NUDT13: variants seen among roughly 807,000 people sequenced by gnomAD.
The protein encoded by NUDT13 is nudix hydrolase 13.
Under a neutral mutation model 41.7 loss-of-function variants are expected in NUDT13, and 40 were observed. The ratio of observed to expected loss-of-function variants is 0.96; its 90% confidence interval spans 0.75 to 1.25. NUDT13 has a LOEUF of 1.25. Among genes scored for constraint, NUDT13 ranks in the 50% most tolerant of loss-of-function variants. NUDT13 has a pLI of 0.00. For missense variants in NUDT13, 390 were observed against 416.1 expected (o/e 0.94, Z 0.55); for synonymous variants, 145 against 155.5 (o/e 0.93, Z 0.50).
At position 73,125,526 on chromosome 10, in the gene NUDT13, A is replaced by C. The variant is rs1415279838; in HGVS notation, c.703+17A>C. ...GTGATATAGGTGAGGAGTTTAGGGGATATACAGGTGACACTGGAAGATATA... is the reference window on the plus strand; with the variant it reads ...GTGATATAGGTGAGGAGTTTAGGGGCTATACAGGTGACACTGGAAGATATA... On this transcript the variant is annotated intron_variant, in intron 7 of 8. Coordinates refer to ENST00000357321, the MANE Select transcript of NUDT13 (RefSeq NM_015901.6). 1 of 1,483,116 alleles carries C rather than the reference A, an allele frequency of 6.7e-7. No individual in the cohort carries two copies. The highest frequency in any genetic ancestry group is 2.4e-5 in the East Asian group (1 of 41,748). 91.9% of individuals were successfully genotyped at this position (1,483,116 alleles called of 1,614,324 possible).
intron 4 of NUDT13, among the ~76,000 whole-genome samples, chr10:73,123,737 C>T (rs996941849): frequency 6.6e-6 from 1 of 152,088 alleles, no homozygotes; most frequent in Admixed American, 6.5e-5. Flanking sequence ...CGGTTCACTG[C>T]AACCTCTGCC....
chr10:73,130,430 T>C (rs780707250), intron 8 of NUDT13: 91 of 156,360 alleles, frequency 5.8e-4, no homozygotes, highest in Non-Finnish European at 9.8e-4. Context: ...GCCACTGCAC[T>C]CCAGCCTGGG....
chr10:73,111,094 A>T (rs991488679), intron 1 of NUDT13, among the ~76,000 whole-genome samples: 15 of 150,674 alleles, frequency 1.0e-4, no homozygotes, highest in Non-Finnish European at 2.1e-4. Flanking sequence ...CTCCTGCCTC[A>T]TACTCCCTAG....
intron 1 of NUDT13, 25 bp from the exon 2 acceptor site, chr10:73,114,332 A>T (rs780508350): frequency 3.6e-5 from 43 of 1,194,300 alleles, no homozygotes; most frequent in African/African-American, 4.8e-5. Flanking sequence ...GACTTTTTTT[A>T]AAACTCCTTT....
chr10:73,125,776 C>CT (rs1487099236), intron 7 of NUDT13, among the ~76,000 whole-genome samples: 1 of 151,146 alleles, frequency 6.6e-6, no homozygotes, highest in Non-Finnish European at 1.5e-5. Context: ...CCTCAACCTT[C>CT]TGGGTTCAAG....
intron 3 of NUDT13, 84 bp downstream of exon 3, chr10:73,120,241 CTTGAACT>C: frequency 7.0e-7 from 1 of 1,431,334 alleles, no homozygotes; most frequent in Non-Finnish European, 9.5e-7. Context: ...AAGAAAGATC[CTTGAACT>C]TTGGAGTCTA....
intron 1 of NUDT13, among the ~76,000 whole-genome samples, chr10:73,110,894 G>C (rs1382963054): frequency 6.6e-6 from 1 of 151,988 alleles, no homozygotes. Context: ...CTATAAAGCA[G>C]GTCAGTGAGA....
At chr10:73,113,988 A>G (rs9971273) in intron 1 of NUDT13, among the ~76,000 whole-genome samples, 23,884 of 152,144 alleles carry the variant, frequency 0.16, 3,111 homozygotes, top group African/African-American at 0.33. Flanking sequence ...CCCAATGAGC[A>G]ACAAAAAAAT....
In NUDT13 at chr10:73,130,705, C is replaced by A; in HGVS notation, c.861C>A (p.Ile287=). 1 of 1,612,984 alleles carries A rather than the reference C, an allele frequency of 6.2e-7. No homozygotes were observed. The highest frequency in any genetic ancestry group is 1.7e-4 in the Middle Eastern group (1 of 6,026). ...HATVKPGQTE[I]QVNLRELETA... is the part of the protein sequence containing the mutation. ...CTTTTCTTCCTTATGTCTTTCAGAT[C>A]CAGGTGAACTTGAGAGAATTAGAGA... The change falls in exon 9 of 9, where the codon ATC becomes ATA. Residue 287 remains isoleucine, a splice_region_variant and synonymous_variant. Transcript: ENST00000357321.
At chr10:73,112,858 T>A (rs970201679) in intron 1 of NUDT13, among the ~76,000 whole-genome samples, 29 of 151,726 alleles carry the variant, frequency 1.9e-4, no homozygotes, top group Admixed American at 3.9e-4. Context: ...ATATATATAT[T>A]TTTTTCACTG....
In NUDT13 at chr10:73,125,168, T is replaced by G; in HGVS notation, c.516T>G (p.Ser172Arg). 6.2e-7 allele frequency: 1 copy of G among 1,613,686 alleles called. No individual in the cohort carries two copies. The highest frequency in any genetic ancestry group is 8.5e-7 in the Non-Finnish European group (1 of 1,179,934). ...WHDAHQFCSR[S>R]GQPTKKNVAG... is the part of the protein sequence containing the mutation. Reference sequence around the variant, plus strand: ...ATGCTCATCAGTTCTGCAGCAGAAGTGGGCAGCCCACCAAGAAGAACGTGG... The same window carrying G: ...ATGCTCATCAGTTCTGCAGCAGAAGGGGGCAGCCCACCAAGAAGAACGTGG... Residue 172 changes from serine to arginine, a missense_variant, in exon 6 of 9, where the codon AGT becomes AGG. Coordinates refer to ENST00000357321, the MANE Select transcript of NUDT13 (RefSeq NM_015901.6).
In NUDT13 at chr10:73,124,195, A is replaced by G; in HGVS notation, c.359-19A>G. The G allele has an allele frequency of 6.5e-7, 1 of 1,533,912 alleles. No individual in the cohort carries two copies. The highest frequency in any genetic ancestry group is 9.0e-7 in the Non-Finnish European group (1 of 1,111,814). ...AAGTTTGTCATTGTTTAATTTCATT[A>G]TCTTTTCTAATTTTCTAGCCTCCTT... On this transcript the variant is annotated intron_variant, in intron 4 of 8. Transcript: ENST00000357321.
At chr10:73,118,871 C>G (rs1385515445) in intron 2 of NUDT13, among the ~76,000 whole-genome samples, 1 of 151,672 alleles carries the variant, frequency 6.6e-6, no homozygotes, top group Non-Finnish European at 1.5e-5. Context: ...ACTCGGGAGG[C>G]TGAGGCACGA....
rs763851193 is a variant in NUDT13 at position 73,124,337 on chromosome 10, C to CA, written c.465+18dup. The CA allele has an allele frequency of 1.5e-5, 23 of 1,554,690 alleles. No individual in the cohort carries two copies. The Middle Eastern group carries it at 5.1e-4, about 34-fold the overall frequency. On this transcript the variant is annotated intron_variant, in intron 5 of 8. Transcript: ENST00000357321. ...CTGTCCACGGTAGATTCTGATTTCT[C>CA]ATTCTGTAGGAAATTTAGTAGAGCA...
At chr10:73,124,580 C>T (rs556614583) in intron 5 of NUDT13, 1 of 411,214 alleles carries the variant, frequency 2.4e-6, no homozygotes, top group Non-Finnish European at 4.4e-6. Flanking sequence ...CTGTCAGCCT[C>T]ATAAACATTT....
chr10:73,129,044 C>T (rs1317582708), intron 8 of NUDT13, among the ~76,000 whole-genome samples: 4 of 151,902 alleles, frequency 2.6e-5, no homozygotes, highest in South Asian at 2.1e-4. Context: ...AGTAGGCGCA[C>T]AATCAGGCAT....
chr10:73,129,675 TA>T (rs568746029), intron 8 of NUDT13, among the ~76,000 whole-genome samples: 1,568 of 135,216 alleles, frequency 0.012, 6 homozygotes, highest in East Asian at 0.014. Context: ...CCTTACCCTT[TA>T]AAAAAAAAAA....
intron 1 of NUDT13, among the ~76,000 whole-genome samples, chr10:73,113,886 G>A (rs1842430077): frequency 6.6e-6 from 1 of 152,206 alleles, no homozygotes; most frequent in African/African-American, 2.4e-5. Context: ...CAATGTGAGA[G>A]GTACTTTTCA....
intron 8 of NUDT13, among the ~76,000 whole-genome samples, chr10:73,127,512 A>AT (rs1179117198): frequency 1.3e-5 from 2 of 150,764 alleles, no homozygotes; most frequent in African/African-American, 2.4e-5. Flanking sequence ...ATTTTATTTT[A>AT]TTTTTTTTGA....
Sources: allele counts gnomAD v4.1 joint callset (sites outside exome capture counted in the v4.1 genomes callset), GRCh38; gene constraint gnomAD v4.1.1; transcripts MANE v1.5; gene names NCBI Gene and HGNC (gene_info 2026-07-23, HGNC 2026-07-21).